The following CACNA2D4 variants were observed in gnomAD, a reference collection of about 807,000 sequenced individuals.
CACNA2D4 encodes calcium voltage-gated channel auxiliary subunit alpha2delta 4, also known as voltage-dependent calcium channel subunit alpha-2/delta-4.
Under a neutral mutation model 163.8 loss-of-function variants are expected in CACNA2D4, and 157 were observed. The ratio of observed to expected loss-of-function variants is 0.96; its 90% CI spans 0.84 to 1.09. The LOEUF (loss-of-function observed/expected upper bound fraction) is 1.09. Ranked by LOEUF, CACNA2D4 falls within the 50% of genes least tolerant of loss-of-function variation. The pLI is 0.00. For synonymous variants in CACNA2D4, 598 were observed against 586.9 expected, an observed-to-expected ratio of 1.02 and a Z score of -0.27; for missense variants, 1,410 against 1,479.9, an observed-to-expected ratio of 0.95 and a Z score of 0.78.
chr12:1,885,440 G>T (rs770316908), intron 9 of CACNA2D4, among the ~76,000 whole-genome samples: 3 of 152,196 alleles, frequency 2.0e-5, no homozygotes, highest in Non-Finnish European at 4.4e-5. Context: ...AGCAGAAAGT[G>T]TGGAGGTGCC....
At chr12:1,815,809 G>A (rs1057140327) in intron 26 of CACNA2D4, among the ~76,000 whole-genome samples, 1 of 152,200 alleles carries the variant, frequency 6.6e-6, no homozygotes, top group Non-Finnish European at 1.5e-5. Context: ...AGGTTTAGCT[G>A]TGCTCTGGGT....
chr12:1,912,324 A>T (rs1041802452), intron 3 of CACNA2D4, among the ~76,000 whole-genome samples: 3 of 152,174 alleles, frequency 2.0e-5, no homozygotes, highest in African/African-American at 2.4e-5. Flanking sequence ...ACCACACTGT[A>T]TCTACTGGTT....
In CACNA2D4 at chr12:1,875,220, AG is replaced by A; in HGVS notation, c.1806+30del. On this transcript the variant is annotated intron_variant, in intron 17 of 37. Transcript: ENST00000382722. This position sits in a 1 kb window ranked among gnomAD's most constrained non-coding sequence, Gnocchi z 4.0. ...ATTTAGTTGGATGTAGAGCCTAACT[AG>A]CTTCCCTTCCCCCTATTTTCCCCAC... is the stretch of plus-strand genomic sequence containing the variant. 1 of 1,498,322 alleles carries A rather than the reference AG, an allele frequency of 6.7e-7. No individual in the cohort carries two copies. Among genetic ancestry groups the A allele is most frequent in the African/African-American group, 1.4e-5 (1 of 72,736 alleles). 92.8% of individuals were successfully genotyped at this position (1,498,322 alleles called of 1,614,324 possible). A position where few individuals can be genotyped will look rare whatever the true frequency, so the allele number is the denominator to read the frequency against.
At chr12:1,899,053 A>C (rs1034397766) in intron 6 of CACNA2D4, among the ~76,000 whole-genome samples, 1 of 152,164 alleles carries the variant, frequency 6.6e-6, no homozygotes, top group Non-Finnish European at 1.5e-5. Flanking sequence ...GATACTTTTA[A>C]TAAGTTCACT....
rs1196262218 is a variant in CACNA2D4, at chr12:1,799,797, T to G, written c.2975-102A>C. 60 of 1,439,784 alleles carry G rather than the reference T, an allele frequency of 4.2e-5. No homozygotes were observed. Among genetic ancestry groups the G allele is most frequent in the Non-Finnish European group, 5.5e-5 (58 of 1,047,370 alleles). The allele number at this position is 1,439,784 out of a possible 1,614,324, so 89.2% of individuals were successfully genotyped here. A position where few individuals can be genotyped will look rare whatever the true frequency, so the allele number is the denominator to read the frequency against. On this transcript the variant is annotated intron_variant, in intron 33 of 37. Transcript: ENST00000382722. The surrounding 1 kb of genome is among the most constrained non-coding windows in gnomAD (Gnocchi z 4.7). ...GGGGTGGTGATGATGGCACATGGAG[T>G]GGCGGTGTCCCAAGATGATGTCACA...
At position 1,829,260 on chromosome 12, in the gene CACNA2D4, A is replaced by G. The variant is rs1864509773; in HGVS notation, c.2551+11479T>C. Among the ~76,000 whole-genome samples the G allele has an allele frequency of 6.6e-6, 1 of 152,112 alleles. No individual in the cohort carries two copies. The highest frequency in any genetic ancestry group is 1.5e-5 in the Non-Finnish European group (1 of 68,026). ...GGGCGAGCGGCTTCTGGTGATGCAG[A>G]TCCTTTTGAGAGGGAGCTGAATGCG... On this transcript the variant is annotated intron_variant, in intron 26 of 37. Coordinates refer to ENST00000382722, the MANE Select transcript of CACNA2D4 (RefSeq NM_172364.5). The surrounding 1 kb of genome is among the most constrained non-coding windows in gnomAD (Gnocchi z 4.2).
chr12:1,807,319 G>T (rs1032701525), intron 29 of CACNA2D4, among the ~76,000 whole-genome samples: 3 of 151,364 alleles, frequency 2.0e-5, no homozygotes, highest in African/African-American at 7.3e-5. Context: ...GTCAAGCCTG[G>T]ACATGACATG....
chr12:1,795,285 G>A lies in CACNA2D4; in HGVS notation c.3309+14C>T, dbSNP rs1267899718. ...TGAAAATCCAGCCCACCCTCGATCC[G>A]CCTCAACCCGCACCTCTGGATGGAA... On this transcript the variant is annotated intron_variant, in intron 37 of 37. Transcript: ENST00000382722. The A allele has an allele frequency of 1.2e-6, 2 of 1,611,950 alleles. No individual in the cohort carries two copies. Among genetic ancestry groups the A allele is most frequent in the Non-Finnish European group, 1.7e-6 (2 of 1,179,184 alleles).
chr12:1,847,105 C>A (rs1224965520), intron 23 of CACNA2D4, among the ~76,000 whole-genome samples: 1 of 152,226 alleles, frequency 6.6e-6, no homozygotes, highest in Non-Finnish European at 1.5e-5. Context: ...TCATACTTCC[C>A]TTCTTACCGA....
chr12:1,828,906 C>T lies in CACNA2D4; in HGVS notation c.2551+11833G>A, dbSNP rs1864489610. 6.6e-6 allele frequency among the ~76,000 whole-genome samples: 1 copy of T among 152,266 alleles called. No homozygotes were observed. Among genetic ancestry groups the T allele is most frequent in the Admixed American group, 6.5e-5 (1 of 15,302 alleles). On this transcript the variant is annotated intron_variant, in intron 26 of 37. Coordinates refer to ENST00000382722, the MANE Select transcript of CACNA2D4 (RefSeq NM_172364.5). The surrounding 1 kb of genome is among the most constrained non-coding windows in gnomAD (Gnocchi z 4.2). ...TTCTCTTTATATGTGGCAAAGGGACCAGGTCAGCAAGGGCTGGTCTGCCCA... is the reference window on the plus strand; with the variant it reads ...TTCTCTTTATATGTGGCAAAGGGACTAGGTCAGCAAGGGCTGGTCTGCCCA...
At position 1,799,915 on chromosome 12, in the gene CACNA2D4, C is replaced by CCCA; in HGVS notation, c.2974+82_2974+84dup. 1 of 1,448,324 alleles carries CCCA rather than the reference C, an allele frequency of 6.9e-7. No homozygotes were observed. Among genetic ancestry groups the CCCA allele is most frequent in the Admixed American group, 2.0e-5 (1 of 50,800 alleles). 89.7% of individuals were successfully genotyped at this position (1,448,324 alleles called of 1,614,324 possible). ...TCAGGGTCACCTATCCCCACTGTCA[C>CCCA]CCACCCCACAGGGAATGGTCTCACG... On this transcript the variant is annotated intron_variant, in intron 33 of 37. Coordinates refer to ENST00000382722, the MANE Select transcript of CACNA2D4 (RefSeq NM_172364.5). The surrounding 1 kb of genome is among the most constrained non-coding windows in gnomAD (Gnocchi z 4.7).
chr12:1,841,305 C>T (rs1257583968), intron 25 of CACNA2D4, among the ~76,000 whole-genome samples: 4 of 152,180 alleles, frequency 2.6e-5, no homozygotes, highest in South Asian at 2.1e-4. Context: ...CCCTGGGCAG[C>T]GAGATGACGG....
chr12:1,886,308 T>G lies in CACNA2D4; in HGVS notation c.908A>C (p.Lys303Thr). 1 of 1,613,790 alleles carries G rather than the reference T, an allele frequency of 6.2e-7. No individual in the cohort carries two copies. The highest frequency in any genetic ancestry group is 1.1e-5 in the South Asian group (1 of 91,058). Residue 303 changes from lysine to threonine, a missense_variant, in exon 8 of 38, where the codon AAG (lysine) becomes ACG (threonine). By Grantham distance (78) the Lys-to-Thr change is moderately conservative. Transcript: ENST00000382722. ...CTTGGCAATAGTCATCCTCAGCCCC[T>G]TCATACTGCCGCTCACGTCCACCAA... ...VILVDVSGSM[K>T]GLRMTIAKHT...
chr12:1,880,714 CTT>C (rs1865976032), intron 13 of CACNA2D4, among the ~76,000 whole-genome samples: 1 of 152,268 alleles, frequency 6.6e-6, no homozygotes, highest in Non-Finnish European at 1.5e-5. Context: ...CACCACGTCT[CTT>C]TCTCTCATCT....
At chr12:1,859,887 GC>G (rs1428466341) in intron 19 of CACNA2D4, among the ~76,000 whole-genome samples, 7 of 152,180 alleles carry the variant, frequency 4.6e-5, no homozygotes, top group Non-Finnish European at 7.3e-5. Context: ...CTTGCCTGGG[GC>G]CCACAGGAGC....
rs889894572 is a variant in CACNA2D4 at position 1,806,896 on chromosome 12, G to A, written c.2721+3382C>T. On this transcript the variant is annotated intron_variant, in intron 29 of 37. Coordinates refer to ENST00000382722, the MANE Select transcript of CACNA2D4 (RefSeq NM_172364.5). This position sits in a 1 kb window ranked among gnomAD's most constrained non-coding sequence, Gnocchi z 4.1. ...AGTGAGGAATGAATGAGTTAGGGGA[G>A]GCCAGGCCCTGTGGCCCTCGATGGC... is the stretch of plus-strand genomic sequence containing the variant. Among the ~76,000 whole-genome samples the A allele has an allele frequency of 6.6e-6, 1 of 152,086 alleles. No homozygotes were observed. Among genetic ancestry groups the A allele is most frequent in the African/African-American group, 2.4e-5 (1 of 41,424 alleles).
In CACNA2D4 at chr12:1,828,009, T is replaced by G; in HGVS notation, c.2551+12730A>C. The G allele has an allele frequency of 3.2e-6, 2 of 628,870 alleles. No individual in the cohort carries two copies. Among genetic ancestry groups the G allele is most frequent in the East Asian group, 6.5e-5 (2 of 30,574 alleles). The allele number at this position is 628,870 out of a possible 1,614,324, so 39.0% of individuals were successfully genotyped here. On this transcript the variant is annotated intron_variant, in intron 26 of 37. Coordinates refer to ENST00000382722, the MANE Select transcript of CACNA2D4 (RefSeq NM_172364.5). The surrounding 1 kb of genome is among the most constrained non-coding windows in gnomAD (Gnocchi z 4.2). ...AGTGTAAAGAGACACCCGGGCCCTC[T>G]CCCTAACCCCTGGGCTGGAACGGGG...
In CACNA2D4 at chr12:1,809,395, C is replaced by T. The variant is rs899369895; in HGVS notation, c.2721+883G>A. 5 of 624,262 alleles carry T rather than the reference C, an allele frequency of 8.0e-6. No homozygotes were observed. In the East Asian group the frequency reaches 8.2e-5, roughly 10 times the overall value. 38.7% of individuals were successfully genotyped at this position (624,262 alleles called of 1,614,324 possible). ...TAATGGAAGTCGCTTGCCCACATCA[C>T]GTTTCTAATTAGTAGCAAAGCTCAC... On this transcript the variant is annotated intron_variant, in intron 29 of 37. Transcript: ENST00000382722.
chr12:1,884,695 G>T, intron 11 of CACNA2D4, 73 bp downstream of exon 11: 1 of 957,128 alleles, frequency 1.0e-6, no homozygotes, highest in Non-Finnish European at 1.7e-6. Flanking sequence ...ATCCTTCTAG[G>T]GTCCCTGCTG....
Sources: allele counts gnomAD v4.1 joint callset (sites outside exome capture counted in the v4.1 genomes callset), GRCh38; gene constraint gnomAD v4.1.1; non-coding constraint Gnocchi (gnomAD v3.1); transcripts MANE v1.5; gene names NCBI Gene and HGNC (gene_info 2026-07-23, HGNC 2026-07-21).